COLEC12: variants seen among roughly 807,000 people sequenced by gnomAD.
COLEC12 encodes collectin-12.
COLEC12 carries 33 observed loss-of-function variants against 71.1 expected under a neutral mutation model. That is an observed-to-expected ratio of 0.46 (90% CI 0.35 to 0.62). COLEC12 has a LOEUF of 0.62. Among genes scored for constraint, COLEC12 ranks in the 20% least tolerant of loss-of-function variants. The pLI is 0.00. For missense variants in COLEC12, 765 were observed against 916.1 expected (o/e 0.84, Z 2.13); for synonymous variants, 350 against 353.0 (o/e 0.99, Z 0.10).
intron 2 of COLEC12, among the ~76,000 whole-genome samples, chr18:395,106 G>C (rs988831520): frequency 1.3e-5 from 2 of 152,244 alleles, no homozygotes; most frequent in Non-Finnish European, 2.9e-5. Context: ...AACATCTGTT[G>C]ATCCAGTTGC....
rs1290265705 is a variant in COLEC12 at position 335,003 on chromosome 18, G to C, written c.1555C>G (p.Pro519Ala). Reference protein sequence around the residue: ...GSRGSPGKPGPQGSSGDPGPP... With the variant: ...GSRGSPGKPGAQGSSGDPGPP... ...CCTGGGTCCCCACTGGAGCCCTGAG[G>C]GCCGGGCTTCCCAGGGGAACCACGG... The change falls in exon 6 of 10, where the codon CCT (proline) becomes GCT (alanine). Residue 519 changes from proline (P) to alanine (A), a missense_variant. By Grantham distance (27) the Pro-to-Ala change is conservative. Transcript: ENST00000400256. 3.2e-6 allele frequency: 5 copies of C among 1,584,130 alleles called. No homozygotes were observed. The African/African-American group carries it at 5.5e-5, about 17-fold the overall frequency.
chr18:320,350 T>C (rs1340853250), intron 9 of COLEC12, among the ~76,000 whole-genome samples: 2 of 152,204 alleles, frequency 1.3e-5, no homozygotes, highest in African/African-American at 2.4e-5. Flanking sequence ...TCTGAGTTAC[T>C]TGTCACCATC....
intron 2 of COLEC12, among the ~76,000 whole-genome samples, chr18:375,568 G>T (rs1437477800): frequency 6.6e-6 from 1 of 152,142 alleles, no homozygotes; most frequent in Admixed American, 6.5e-5. Context: ...TGCACTCATA[G>T]CTCACTGCAG....
At chr18:387,655 C>G (rs1467873104) in intron 2 of COLEC12, among the ~76,000 whole-genome samples, 1 of 152,130 alleles carries the variant, frequency 6.6e-6, no homozygotes. Flanking sequence ...TCAGATACAA[C>G]CATATACGGC....
At chr18:481,948 A>T (rs1917426100) in intron 1 of COLEC12, among the ~76,000 whole-genome samples, 1 of 151,880 alleles carries the variant, frequency 6.6e-6, no homozygotes, top group Non-Finnish European at 1.5e-5. Flanking sequence ...CCGGGGGTAC[A>T]TGTGCATGTC....
intron 2 of COLEC12, among the ~76,000 whole-genome samples, chr18:406,515 C>CAAAAAAAAAAA (rs34263909): frequency 2.2e-5 from 2 of 90,450 alleles, no homozygotes; most frequent in African/African-American, 9.7e-5. Context: ...GACTCCGTCT[C>CAAAAAAAAAAA]AAAAAAAAAA....
intron 8 of COLEC12, among the ~76,000 whole-genome samples, chr18:322,176 T>C (rs1913722056): frequency 7.6e-6 from 1 of 131,042 alleles, no homozygotes; most frequent in South Asian, 2.9e-4. Flanking sequence ...GAATATCTAT[T>C]CATTATGAGG....
At chr18:420,823 C>G (rs1298973146) in intron 2 of COLEC12, among the ~76,000 whole-genome samples, 1 of 152,106 alleles carries the variant, frequency 6.6e-6, no homozygotes, top group African/African-American at 2.4e-5. Flanking sequence ...TCAAAGATAG[C>G]CAAGGGCCCA....
chr18:357,603 T>C, intron 2 of COLEC12, 81 bp from the exon 3 acceptor site: 1 of 1,177,884 alleles, frequency 8.5e-7, no homozygotes, highest in Non-Finnish European at 1.2e-6. Context: ...GGTTCAAATA[T>C]TGGGACTAAG....
chr18:489,520 C>T (rs1375344236), intron 1 of COLEC12, among the ~76,000 whole-genome samples: 1 of 151,936 alleles, frequency 6.6e-6, no homozygotes, highest in African/African-American at 2.4e-5. Flanking sequence ...AAGATTTCTT[C>T]GAGAAGATAG....
chr18:424,790 A>G (rs572936623), intron 2 of COLEC12, among the ~76,000 whole-genome samples: 19 of 152,292 alleles, frequency 1.2e-4, no homozygotes, highest in African/African-American at 4.6e-4. Context: ...TCAGGCCTGC[A>G]TCAGGATGTG....
intron 1 of COLEC12, among the ~76,000 whole-genome samples, chr18:482,290 T>C (rs1163596224): frequency 6.6e-6 from 1 of 151,976 alleles, no homozygotes; most frequent in Admixed American, 6.6e-5. Flanking sequence ...ATTTTTGTAA[T>C]TTCAGTAGAG....
At chr18:452,834 C>A (rs1040941372) in intron 2 of COLEC12, among the ~76,000 whole-genome samples, 3 of 152,202 alleles carry the variant, frequency 2.0e-5, no homozygotes, top group Admixed American at 6.5e-5. Flanking sequence ...TGAGCTTTGG[C>A]CACAGGTGCT....
At chr18:335,258 C>A in intron 5 of COLEC12, 28 bp from the exon 6 acceptor site, 1 of 1,564,242 alleles carries the variant, frequency 6.4e-7, no homozygotes, top group Non-Finnish European at 8.6e-7. Flanking sequence ...AAGGTGTCAA[C>A]ATGAAATCCA....
At chr18:402,312 T>C (rs76163863) in intron 2 of COLEC12, among the ~76,000 whole-genome samples, 11,243 of 152,100 alleles carry the variant, frequency 0.074, 547 homozygotes, top group Admixed American at 0.13. Context: ...ACCAGTCTGG[T>C]TGTGGGAGGG....
intron 2 of COLEC12, among the ~76,000 whole-genome samples, chr18:409,809 T>C (rs192701685): frequency 5.9e-5 from 9 of 152,328 alleles, no homozygotes; most frequent in Non-Finnish European, 8.8e-5. Context: ...TATATGAGCA[T>C]GTTTCACCTA....
At chr18:438,186 G>A (rs1916444056) in intron 2 of COLEC12, among the ~76,000 whole-genome samples, 1 of 152,184 alleles carries the variant, frequency 6.6e-6, no homozygotes. Flanking sequence ...AAGTAGATAT[G>A]AGTGATTTCA....
intron 2 of COLEC12, among the ~76,000 whole-genome samples, chr18:447,063 G>C (rs1361324255): frequency 6.6e-6 from 1 of 152,192 alleles, no homozygotes; most frequent in Admixed American, 6.5e-5. Flanking sequence ...TGGAGGGAGG[G>C]ACTTCACCAT....
At chr18:338,320 T>A (rs946583801) in intron 5 of COLEC12, among the ~76,000 whole-genome samples, 1 of 152,208 alleles carries the variant, frequency 6.6e-6, no homozygotes, top group African/African-American at 2.4e-5. Flanking sequence ...TAAGCAAGTG[T>A]TTATCAAATA....
Sources: gnomAD v4.1 joint callset for allele counts (sites outside exome capture counted in the v4.1 genomes callset) on GRCh38, gnomAD v4.1.1 for gene constraint, MANE v1.5 for transcripts, NCBI Gene and HGNC (gene_info 2026-07-23, HGNC 2026-07-21) for gene names.